Variants in SLIT3 observed in about 807,000 individuals in gnomAD.
The protein encoded by SLIT3 is slit guidance ligand 3, also known as slit homolog 3 protein.
SLIT3 carries 68 observed loss-of-function variants against 184.0 expected under a neutral mutation model. The observed-to-expected ratio is 0.37, with a 90% confidence interval of 0.30 to 0.45. The LOEUF (loss-of-function observed/expected upper bound fraction) is 0.45, where lower values mean the gene tolerates loss of function less well. Ranked by LOEUF, SLIT3 falls within the 20% of genes least tolerant of loss-of-function variation. The pLI, the probability that SLIT3 is intolerant of heterozygous loss-of-function variation, is 1.00. For missense variants in SLIT3, 1,707 were observed against 2,026.0 expected, an observed-to-expected ratio of 0.84 and a Z score of 3.02; for synonymous variants, 831 against 828.6, an observed-to-expected ratio of 1.00 and a Z score of -0.05.
intron 34 of SLIT3, among the ~76,000 whole-genome samples, chr5:168,670,805 T>C (rs1388599054): frequency 1.3e-5 from 2 of 152,164 alleles, no homozygotes; most frequent in Non-Finnish European, 2.9e-5. Context: ...CTTTGTTGAA[T>C]GAGTAGTTGC....
At chr5:169,086,848 G>C (rs11949440) in intron 4 of SLIT3, among the ~76,000 whole-genome samples, 6,101 of 152,264 alleles carry the variant, frequency 0.04, 341 homozygotes, top group African/African-American at 0.13. Flanking sequence ...AATTAACTTG[G>C]CCTTGACTGC....
At chr5:169,081,993 C>G (rs140982918) in intron 4 of SLIT3, among the ~76,000 whole-genome samples, 2 of 152,192 alleles carry the variant, frequency 1.3e-5, no homozygotes, top group South Asian at 2.1e-4. Flanking sequence ...CAGACCCCCC[C>G]ACAGCATAAC....
chr5:169,091,069 G>A lies in SLIT3; in HGVS notation c.413+102410C>T, dbSNP rs772589285. 1.2e-4 allele frequency among the ~76,000 whole-genome samples: 19 copies of A among 152,282 alleles called. No homozygotes were observed. In the Middle Eastern group the frequency reaches 0.02, roughly 164 times the overall value. On this transcript the variant is annotated intron_variant, in intron 4 of 35. Transcript: ENST00000519560. ...CTCCTTGAGGGCAGAATTAGATCTTGGAGAGAGAGCGCCCTAGTTCTCAAC... is the reference window on the plus strand; with the variant it reads ...CTCCTTGAGGGCAGAATTAGATCTTAGAGAGAGAGCGCCCTAGTTCTCAAC...
At chr5:168,744,633 A>T (rs1426099222) in intron 20 of SLIT3, among the ~76,000 whole-genome samples, 1 of 152,208 alleles carries the variant, frequency 6.6e-6, no homozygotes, top group Non-Finnish European at 1.5e-5. Context: ...GGCTTTTATT[A>T]TGCTAAATCT....
intron 3 of SLIT3, among the ~76,000 whole-genome samples, chr5:169,229,156 C>G (rs1375652941): frequency 2.0e-5 from 3 of 152,016 alleles, no homozygotes; most frequent in Non-Finnish European, 4.4e-5. Context: ...GACATATACC[C>G]AGGCTCACAA....
intron 1 of SLIT3, among the ~76,000 whole-genome samples, chr5:169,277,423 T>C (rs78793272): frequency 0.07 from 10,629 of 152,092 alleles, 559 homozygotes; most frequent in Admixed American, 0.18. Flanking sequence ...ACAGATGGGG[T>C]TTCAGGCAGG....
chr5:168,972,722 C>A (rs1404190468), intron 4 of SLIT3, among the ~76,000 whole-genome samples: 1 of 152,120 alleles, frequency 6.6e-6, no homozygotes, highest in Non-Finnish European at 1.5e-5. Flanking sequence ...CTCTTGCTGT[C>A]TTCTCTAGAC....
chr5:168,736,294 G>T (rs773907853), intron 20 of SLIT3, among the ~76,000 whole-genome samples: 1 of 152,214 alleles, frequency 6.6e-6, no homozygotes, highest in Non-Finnish European at 1.5e-5. Flanking sequence ...GTGTGGAGAA[G>T]TGTCCTCTAC....
intron 6 of SLIT3, among the ~76,000 whole-genome samples, chr5:168,830,545 C>T (rs541167564): frequency 6.6e-6 from 1 of 152,326 alleles, no homozygotes; most frequent in South Asian, 2.1e-4. Context: ...CCAAAATCTT[C>T]CAGTAAAGGT....
intron 4 of SLIT3, among the ~76,000 whole-genome samples, chr5:169,098,060 G>C (rs1021720292): frequency 6.6e-6 from 1 of 152,140 alleles, no homozygotes; most frequent in African/African-American, 2.4e-5. Context: ...CCAGAGCAAA[G>C]AGAAACTCTG....
chr5:169,259,903 C>T (rs1327205152), intron 1 of SLIT3, among the ~76,000 whole-genome samples: 1 of 152,074 alleles, frequency 6.6e-6, no homozygotes, highest in East Asian at 1.9e-4. Flanking sequence ...GAGAACAAGG[C>T]AAGAATTTGC....
chr5:169,075,343 G>A (rs1050168722), intron 4 of SLIT3, among the ~76,000 whole-genome samples: 6 of 152,194 alleles, frequency 3.9e-5, no homozygotes, highest in Admixed American at 6.5e-5. Context: ...CAACAATAAA[G>A]TACATACGTA....
intron 4 of SLIT3, among the ~76,000 whole-genome samples, chr5:169,183,853 A>T (rs190636440): frequency 6.6e-6 from 1 of 152,372 alleles, no homozygotes; most frequent in Admixed American, 6.5e-5. Flanking sequence ...GTCTGTGCAG[A>T]ATTGTAAAAA....
intron 4 of SLIT3, among the ~76,000 whole-genome samples, chr5:168,972,266 A>T (rs1395806222): frequency 1.3e-5 from 2 of 151,124 alleles, no homozygotes; most frequent in African/African-American, 2.4e-5. Flanking sequence ...GCCAGGTAGA[A>T]GCACGACCTT....
chr5:169,078,501 A>G (rs1005089890), intron 4 of SLIT3, among the ~76,000 whole-genome samples: 3 of 152,282 alleles, frequency 2.0e-5, no homozygotes, highest in Middle Eastern at 3.4e-3. Context: ...CCGGTGGGGA[A>G]TAAAAGGCCA....
At chr5:168,699,155 G>A (rs186899811) in intron 27 of SLIT3, among the ~76,000 whole-genome samples, 149 of 152,356 alleles carry the variant, frequency 9.8e-4, no homozygotes, top group African/African-American at 3.2e-3. Flanking sequence ...GCTGACTCCA[G>A]GCAGGAAAAG....
rs566834982 is a variant in SLIT3, at chr5:169,082,245, C to T, written c.413+111234G>A. ...TCTATGCCAAGTCTAAAGCCTTCAA[C>T]TTTTTCTATTTTCCCACCAATGCAA... is the stretch of plus-strand genomic sequence containing the variant. On this transcript the variant is annotated intron_variant, in intron 4 of 35. Transcript: ENST00000519560. Among the ~76,000 whole-genome samples, 14 of 152,312 alleles carry T rather than the reference C, an allele frequency of 9.2e-5. No individual in the cohort carries two copies. The South Asian group carries it at 2.9e-3, about 32-fold the overall frequency.
In SLIT3 at chr5:169,168,767, G is replaced by A. The variant is rs185552734; in HGVS notation, c.413+24712C>T. Reference sequence around the variant, plus strand: ...CCCTTCAAGGCCTCAAACTGTCAGGGATGCTCTGATGGCTGATGGCTGAAG... The same window carrying A: ...CCCTTCAAGGCCTCAAACTGTCAGGAATGCTCTGATGGCTGATGGCTGAAG... On this transcript the variant is annotated intron_variant, in intron 4 of 35. Coordinates refer to ENST00000519560, the MANE Select transcript of SLIT3 (RefSeq NM_003062.4). 1.0e-3 allele frequency among the ~76,000 whole-genome samples: 156 copies of A among 152,330 alleles called. 1 individual carries two copies. The Middle Eastern group carries it at 0.017, about 17-fold the overall frequency.
intron 4 of SLIT3, among the ~76,000 whole-genome samples, chr5:168,968,281 A>G (rs572772583): frequency 3.3e-5 from 5 of 152,210 alleles, no homozygotes; most frequent in African/African-American, 1.2e-4. Flanking sequence ...CTCCCAACAC[A>G]ACGTGTAAAT....
Sources: gnomAD v4.1 joint callset for allele counts (sites outside exome capture counted in the v4.1 genomes callset) on GRCh38, gnomAD v4.1.1 for gene constraint, MANE v1.5 for transcripts, NCBI Gene and HGNC (gene_info 2026-07-23, HGNC 2026-07-21) for gene names.